Variants in PAX8 observed in about 807,000 individuals in gnomAD.
PAX8 encodes the protein paired box protein Pax-8.
In PAX8, 15 loss-of-function variants were observed where a neutral mutation model predicts 52.4. That is an observed-to-expected ratio of 0.29 (90% CI 0.19 to 0.44). The LOEUF (loss-of-function observed/expected upper bound fraction) is 0.44, where lower values mean the gene tolerates loss of function less well. PAX8 is among the 20% of genes least tolerant of loss of function. The probability of loss-of-function intolerance (pLI) is 1.00; values close to 1 mark genes in which losing one functional copy is unlikely to be tolerated. For synonymous variants in PAX8, 284 were observed against 249.7 expected (o/e 1.14, Z -1.29); for missense variants, 554 against 602.5 (o/e 0.92, Z 0.84).
At chr2:113,271,852 G>A (rs905501276) in intron 2 of PAX8, 1 of 151,588 alleles carries the variant, frequency 6.6e-6, no homozygotes, top group African/African-American at 2.4e-5. Flanking sequence ...CTGCCTGGCA[G>A]AGTTGTGAGA....
intron 9 of PAX8, chr2:113,230,418 C>T (rs1165685672): frequency 1.3e-5 from 2 of 152,328 alleles, no homozygotes; most frequent in East Asian, 3.8e-4. Context: ...CACGGGGCTC[C>T]ACCGCATGAG....
At chr2:113,234,402 G>T (rs1177171120) in intron 9 of PAX8, among the ~76,000 whole-genome samples, 4 of 152,258 alleles carry the variant, frequency 2.6e-5, no homozygotes, top group African/African-American at 9.6e-5. Context: ...TACAGATGGT[G>T]CTCCTGCCCA....
At chr2:113,236,858 G>A in intron 7 of PAX8, 137 bp from the exon 8 acceptor site, 6 of 986,926 alleles carry the variant, frequency 6.1e-6, no homozygotes, top group Non-Finnish European at 8.7e-6. Context: ...CTTCCTTTAC[G>A]TTCTCAACTC....
At chr2:113,242,156 CA>C (rs774032229) in intron 5 of PAX8, 26 bp from the exon 6 acceptor site, 3 of 1,605,874 alleles carry the variant, frequency 1.9e-6, no homozygotes, top group Admixed American at 3.3e-5. Context: ...GGGAGAGGGT[CA>C]GGGGTGGGAG....
chr2:113,226,259 G>T (rs2104429404), intron 10 of PAX8: 1 of 985,432 alleles, frequency 1.0e-6, no homozygotes, highest in African/African-American at 1.7e-5. Flanking sequence ...AGCCAGAGAG[G>T]CTGGCCTAGG....
intron 9 of PAX8, among the ~76,000 whole-genome samples, chr2:113,234,576 C>T (rs1381861133): frequency 6.6e-6 from 1 of 152,142 alleles, no homozygotes; most frequent in Non-Finnish European, 1.5e-5. Context: ...GCTGGAGTGC[C>T]ATGGCGCCAC....
At chr2:113,262,956 C>G (rs555593907) in intron 2 of PAX8, among the ~76,000 whole-genome samples, 5 of 152,334 alleles carry the variant, frequency 3.3e-5, no homozygotes, top group Admixed American at 1.3e-4. Flanking sequence ...GCAGCGCTAG[C>G]AAACGCATGC....
In PAX8 at chr2:113,278,410, C is replaced by T. The variant is rs535615121; in HGVS notation, c.-16G>A. 1.3e-5 allele frequency: 21 copies of T among 1,610,642 alleles called. No individual in the cohort carries two copies. The South Asian group carries it at 1.8e-4, about 14-fold the overall frequency. On this transcript the variant is annotated 5_prime_UTR_variant, in exon 2 of 12. Coordinates refer to ENST00000429538, the MANE Select transcript of PAX8 (RefSeq NM_003466.4). The stretch of plus-strand genomic sequence containing the variant: ...TGTGAGGCATCGCCGGGGAGTCGCT[C>T]GCAGCCCGCCGAGGGCTCGGGGCTT...
At chr2:113,275,673 T>C (rs1693750425) in intron 2 of PAX8, 1 of 152,172 alleles carries the variant, frequency 6.6e-6, no homozygotes, top group Admixed American at 6.5e-5. Flanking sequence ...TGGTACAGTA[T>C]TGTTTTCACT....
rs776457575 is a variant in PAX8 at position 113,216,916 on chromosome 2, A to G, written c.*1617T>C. ...ATATGTAAAATGAAGCTGTATGTAA[A>G]ACAGGGCTAATTTCAGCTTAACTTA... On this transcript the variant is annotated 3_prime_UTR_variant, in exon 12 of 12. Transcript: ENST00000429538. The G allele has an allele frequency of 7.0e-5, 16 of 229,114 alleles. No individual in the cohort carries two copies. The highest frequency in any genetic ancestry group is 1.3e-4 in the Non-Finnish European group (15 of 115,456). 14.2% of individuals were successfully genotyped at this position (229,114 alleles called of 1,614,324 possible).
intron 2 of PAX8, among the ~76,000 whole-genome samples, chr2:113,258,238 T>C (rs568862973): frequency 6.6e-6 from 1 of 152,338 alleles, no homozygotes; most frequent in African/African-American, 2.4e-5. Flanking sequence ...ACCTAATTCC[T>C]TTATTTCCCT....
intron 9 of PAX8, among the ~76,000 whole-genome samples, chr2:113,227,816 C>T (rs904435225): frequency 2.0e-5 from 3 of 152,162 alleles, no homozygotes; most frequent in African/African-American, 7.2e-5. Context: ...CCATTTCCCC[C>T]TGAGTAGAGG....
At chr2:113,253,474 C>G (rs1485159403) in intron 2 of PAX8, among the ~76,000 whole-genome samples, 1 of 152,220 alleles carries the variant, frequency 6.6e-6, no homozygotes, top group Non-Finnish European at 1.5e-5. Context: ...AGGGCCTGCC[C>G]CTTCCACTCA....
intron 9 of PAX8, among the ~76,000 whole-genome samples, chr2:113,234,524 G>T (rs1019218625): frequency 6.6e-6 from 1 of 152,104 alleles, no homozygotes; most frequent in Non-Finnish European, 1.5e-5. Flanking sequence ...TTATTTATTT[G>T]TTTTTTTCTT....
Position 113,278,863 on chromosome 2 carries a change from G to C in PAX8, c.-108C>G. 3 of 1,061,436 alleles carry C rather than the reference G, an allele frequency of 2.8e-6. No individual in the cohort carries two copies. The highest frequency in any genetic ancestry group is 3.4e-6 in the Non-Finnish European group (3 of 876,084). 65.8% of individuals were successfully genotyped at this position (1,061,436 alleles called of 1,614,324 possible). A position where few individuals can be genotyped will look rare whatever the true frequency, so the allele number is the denominator to read the frequency against. ...GCCGGCTGCAGGCCCTCACTGCTTG[G>C]GTCCGCCCGCGAGGGTGCCCTGGGC... On this transcript the variant is annotated 5_prime_UTR_variant, in exon 1 of 12. Coordinates refer to ENST00000429538, the MANE Select transcript of PAX8 (RefSeq NM_003466.4).
chr2:113,237,670 G>GT (rs1023996686), intron 7 of PAX8: 1 of 152,156 alleles, frequency 6.6e-6, no homozygotes, highest in African/African-American at 2.4e-5. Flanking sequence ...AAAAGAACTT[G>GT]TTTAACTAAA....
intron 10 of PAX8, among the ~76,000 whole-genome samples, chr2:113,223,256 A>T (rs980763804): frequency 3.6e-4 from 54 of 151,998 alleles, no homozygotes; most frequent in African/African-American, 1.2e-3. Context: ...CATGCCCCAA[A>T]CCTACAAATG....
rs560820603 is a variant in PAX8, at chr2:113,216,388, G to A, written c.*2145C>T. The A allele has an allele frequency of 1.3e-5, 3 of 231,554 alleles. No homozygotes were observed. Among genetic ancestry groups the A allele is most frequent in the South Asian group, 1.8e-4 (1 of 5,502 alleles). The allele number at this position is 231,554 out of a possible 1,614,324, so 14.3% of individuals were successfully genotyped here. A position where few individuals can be genotyped will look rare whatever the true frequency, so the allele number is the denominator to read the frequency against. ...GTAAGAGCCCTCTCTCCCAGCCTCT[G>A]TCCTCCCAGCCCTGGAGTCCTTGGG... On this transcript the variant is annotated 3_prime_UTR_variant, in exon 12 of 12. Transcript: ENST00000429538.
At chr2:113,275,278 T>A (rs1055211179) in intron 2 of PAX8, 1 of 152,158 alleles carries the variant, frequency 6.6e-6, no homozygotes, top group Non-Finnish European at 1.5e-5. Context: ...AGCTAAATTA[T>A]CTCCTAATTA....
Sources: allele counts gnomAD v4.1 joint callset (sites outside exome capture counted in the v4.1 genomes callset), GRCh38; gene constraint gnomAD v4.1.1; transcripts MANE v1.5; gene names NCBI Gene and HGNC (gene_info 2026-07-23, HGNC 2026-07-21).